Variants in MROH1 observed in about 807,000 individuals in gnomAD.
MROH1 encodes maestro heat-like repeat-containing protein family member 1.
A neutral mutation model predicts 116.5 loss-of-function variants in MROH1; 117 were observed. The ratio of observed to expected loss-of-function variants is 1.00; its 90% confidence interval spans 0.86 to 1.17. The LOEUF is 1.17. Among genes scored for constraint, MROH1 ranks in the 50% most tolerant of loss-of-function variants. The pLI is 0.00. For synonymous variants in MROH1, 921 were observed against 583.9 expected (o/e 1.58, Z -8.32); for missense variants, 1,873 against 1,338.5 (o/e 1.40, Z -6.23).
At chr8:144,203,561 AAG>A (rs1267426509) in intron 12 of MROH1, among the ~76,000 whole-genome samples, 8 of 148,408 alleles carry the variant, frequency 5.4e-5, no homozygotes, top group South Asian at 2.2e-4. Context: ...TCTGGAGGGG[AAG>A]AGAGAGAAGC....
At chr8:144,206,648 C>T (rs1318739059) in intron 12 of MROH1, among the ~76,000 whole-genome samples, 1 of 151,436 alleles carries the variant, frequency 6.6e-6, no homozygotes, top group Non-Finnish European at 1.5e-5. Context: ...GTCTCGAACT[C>T]CTGGACCTCA....
chr8:144,178,945 G>A (rs868301117), intron 4 of MROH1, among the ~76,000 whole-genome samples: 31 of 152,272 alleles, frequency 2.0e-4, no homozygotes, highest in Admixed American at 5.2e-4. Flanking sequence ...ACTCTGCGGA[G>A]GGTTAACCTG....
In MROH1 at chr8:144,232,570, G is replaced by T. The variant is rs1228570651; in HGVS notation, c.1339-6186G>T. ...GTGCAGTGGCGCAATCTCAGCTCAC[G>T]GCAACCTCCGCCTCCCGGGTTCATG... On this transcript the variant is annotated intron_variant, in intron 14 of 43. Coordinates refer to ENST00000326134, the MANE Select transcript of MROH1 (RefSeq NM_032450.3). 2.0e-5 allele frequency among the ~76,000 whole-genome samples: 3 copies of T among 151,334 alleles called. No homozygotes were observed. In the East Asian group the frequency reaches 5.8e-4, roughly 29 times the overall value.
chr8:144,210,280 A>T (rs1833814429), intron 12 of MROH1, among the ~76,000 whole-genome samples: 2 of 152,050 alleles, frequency 1.3e-5, no homozygotes, highest in African/African-American at 4.8e-5. Context: ...CTCTACTAAA[A>T]ATACAAAAAT....
At position 144,261,693 on chromosome 8, in the gene MROH1, C is replaced by T. The variant is rs1368458647; in HGVS notation, c.4879C>T (p.Arg1627Trp). The change falls in exon 44 of 44, where the codon CGG becomes TGG. Residue 1627 changes from arginine (R) to tryptophan (W), a missense_variant. Transcript: ENST00000326134. Reference sequence around the variant, plus strand: ...GCTGAAGGACCCGGCCCCCGAGGTGCGGACGAGGGCTGCTGAGGCCCTGGG... The same window carrying T: ...GCTGAAGGACCCGGCCCCCGAGGTGTGGACGAGGGCTGCTGAGGCCCTGGG... ...ILLKDPAPEV[R>W]TRAAEALGRL... 7 of 727,696 alleles carry T rather than the reference C, an allele frequency of 9.6e-6. No individual in the cohort carries two copies. Among genetic ancestry groups the T allele is most frequent in the South Asian group, 5.8e-5 (4 of 68,922 alleles). The allele number at this position is 727,696 out of a possible 1,614,324, so 45.1% of individuals were successfully genotyped here. A position where few individuals can be genotyped will look rare whatever the true frequency, so the allele number is the denominator to read the frequency against.
At chr8:144,240,051 C>T in intron 18 of MROH1, 50 bp from the exon 19 acceptor site, 1 of 755,484 alleles carries the variant, frequency 1.3e-6, no homozygotes, top group Non-Finnish European at 2.5e-6. Flanking sequence ...GGGCTCTGAG[C>T]CCCACTGGTG....
intron 14 of MROH1, among the ~76,000 whole-genome samples, chr8:144,237,598 A>G (rs1319896037): frequency 2.0e-5 from 3 of 152,066 alleles, no homozygotes; most frequent in Non-Finnish European, 2.9e-5. Flanking sequence ...TTCTTCTTCC[A>G]TTCTTTTTAA....
intron 12 of MROH1, chr8:144,214,194 TC>T (rs1834786447): frequency 6.6e-6 from 1 of 152,236 alleles, no homozygotes. Flanking sequence ...TTTCTGTGGC[TC>T]CCACATAGCC....
rs1839621583 is a variant in MROH1, at chr8:144,234,498, G to GTTTTTGTTTTTTTTTT, written c.1339-4253_1339-4252insGTTTTTTTTTTTTTTT. ...AATGGAATTATTTTCTTTCTTTTTC[G>GTTTTTGTTTTTTTTTT]TTTTTTTTTTTTTTTTTTTTTTTTT... On this transcript the variant is annotated intron_variant, in intron 14 of 43. Coordinates refer to ENST00000326134, the MANE Select transcript of MROH1 (RefSeq NM_032450.3). Among the ~76,000 whole-genome samples the GTTTTTGTTTTTTTTTT allele has an allele frequency of 1.9e-3, 35 of 18,104 alleles. 4 individuals are homozygous for GTTTTTGTTTTTTTTTT. The highest frequency in any genetic ancestry group is 3.9e-3 in the Non-Finnish European group (32 of 8,122). The allele number at this position is 18,104 out of a possible 152,430, so 11.9% of individuals were successfully genotyped here. A position where few individuals can be genotyped will look rare whatever the true frequency, so the allele number is the denominator to read the frequency against.
chr8:144,240,236 C>G lies in MROH1; in HGVS notation c.1827+83C>G, dbSNP rs1158772833. On this transcript the variant is annotated intron_variant, in intron 19 of 43. Transcript: ENST00000326134. ...GCTGGGGTGGCAGAGGCTGGGCCAC[C>G]TGCCTCGACCTCACCTCGTGGTTTG... is the stretch of plus-strand genomic sequence containing the variant. 7.5e-6 allele frequency: 5 copies of G among 662,356 alleles called. No homozygotes were observed. The African/African-American group carries it at 9.0e-5, about 12-fold the overall frequency. 41.0% of individuals were successfully genotyped at this position (662,356 alleles called of 1,614,324 possible). A position where few individuals can be genotyped will look rare whatever the true frequency, so the allele number is the denominator to read the frequency against.
intron 12 of MROH1, among the ~76,000 whole-genome samples, chr8:144,211,227 A>G (rs1215294280): frequency 1.3e-5 from 2 of 152,234 alleles, no homozygotes; most frequent in African/African-American, 4.8e-5. Flanking sequence ...GCAAGACGAT[A>G]GGAGTCATGT....
At chr8:144,198,233 G>A (rs1477613459) in intron 10 of MROH1, among the ~76,000 whole-genome samples, 1 of 152,052 alleles carries the variant, frequency 6.6e-6, no homozygotes. Context: ...TCATAAGAGG[G>A]CTCTGCTGAA....
Position 144,241,537 on chromosome 8 carries a change from A to G in MROH1, c.2178+20A>G. Reference sequence around the variant, plus strand: ...TTTAAGGTTAGGGTGACACCGGTGCAGGGCTGGGGACGGCTGTCTATCCAC... The same window carrying G: ...TTTAAGGTTAGGGTGACACCGGTGCGGGGCTGGGGACGGCTGTCTATCCAC... On this transcript the variant is annotated intron_variant, in intron 22 of 43. Transcript: ENST00000326134. The G allele has an allele frequency of 2.6e-6, 2 of 777,860 alleles. No individual in the cohort carries two copies. The highest frequency in any genetic ancestry group is 2.7e-5 in the South Asian group (2 of 74,420). 48.2% of individuals were successfully genotyped at this position (777,860 alleles called of 1,614,324 possible).
At chr8:144,258,936 C>T (rs979923071) in intron 36 of MROH1, 22 bp downstream of exon 36, 3 of 720,034 alleles carry the variant, frequency 4.2e-6, no homozygotes, top group African/African-American at 3.5e-5. Flanking sequence ...CAGCCCACTG[C>T]AGCTCCAGCA....
intron 4 of MROH1, among the ~76,000 whole-genome samples, chr8:144,172,385 C>T (rs1478117000): frequency 6.6e-6 from 1 of 151,878 alleles, no homozygotes; most frequent in Non-Finnish European, 1.5e-5. Context: ...ACTTCAAGTC[C>T]TTAGGCAACA....
chr8:144,169,489 G>A (rs544120321), intron 4 of MROH1, among the ~76,000 whole-genome samples: 57 of 144,354 alleles, frequency 3.9e-4, no homozygotes, highest in Non-Finnish European at 3.3e-4. Context: ...GTCTCACTCT[G>A]TTGCCCGGGC....
chr8:144,162,024 A>G (rs1819654914), intron 2 of MROH1, among the ~76,000 whole-genome samples: 1 of 151,470 alleles, frequency 6.6e-6, no homozygotes, highest in Non-Finnish European at 1.5e-5. Flanking sequence ...TGCCCTCTTC[A>G]GCTCTTAACT....
chr8:144,179,502 C>T lies in MROH1; in HGVS notation c.216C>T (p.Val72=). ...CGGTCCTGAGGGCCATGGAGAGGGT[C>T]CTGAGCAGTCGCGCCAGTGAGCTGG... ...RAAVLRAMER[V]LSSRASELDK... is the part of the protein sequence containing the mutation. Residue 72 remains valine (V), a synonymous_variant, in exon 5 of 44, where the codon GTC becomes GTT. Coordinates refer to ENST00000326134, the MANE Select transcript of MROH1 (RefSeq NM_032450.3). 6.2e-7 allele frequency: 1 copy of T among 1,613,622 alleles called. No individual in the cohort carries two copies. Among genetic ancestry groups the T allele is most frequent in the Non-Finnish European group, 8.5e-7 (1 of 1,179,834 alleles).
At chr8:144,153,038 C>G (rs1817221655) in intron 1 of MROH1, among the ~76,000 whole-genome samples, 15 of 152,154 alleles carry the variant, frequency 9.9e-5, no homozygotes, top group Non-Finnish European at 4.4e-5. Context: ...CCTCTGCCAG[C>G]CCCGGTAACC....
Sources: gnomAD v4.1 joint callset for allele counts (sites outside exome capture counted in the v4.1 genomes callset) on GRCh38, gnomAD v4.1.1 for gene constraint, MANE v1.5 for transcripts, NCBI Gene and HGNC (gene_info 2026-07-23, HGNC 2026-07-21) for gene names.